TMEFF2: variants seen among roughly 807,000 people sequenced by gnomAD.
The protein encoded by TMEFF2 is transmembrane protein with EGF like and two follistatin like domains 2, also known as tomoregulin-2.
Under a neutral mutation model 53.8 loss-of-function variants are expected in TMEFF2, and 28 were observed. That is an observed-to-expected ratio of 0.52 (90% CI 0.39 to 0.71). The LOEUF (loss-of-function observed/expected upper bound fraction) is 0.71. Among genes scored for constraint, TMEFF2 ranks in the 30% least tolerant of loss-of-function variants. The pLI is 0.00. For synonymous variants in TMEFF2, 162 were observed against 166.3 expected (o/e 0.97, Z 0.20); for missense variants, 353 against 455.2 (o/e 0.78, Z 2.04).
At chr2:191,985,168 C>T (rs2105819362) in intron 7 of TMEFF2, among the ~76,000 whole-genome samples, 1 of 151,718 alleles carries the variant, frequency 6.6e-6, no homozygotes, top group Non-Finnish European at 1.5e-5. Context: ...TTATATCTCA[C>T]AAAGGGCTTT....
chr2:192,007,658 G>T (rs1686531022), intron 5 of TMEFF2, among the ~76,000 whole-genome samples: 1 of 152,164 alleles, frequency 6.6e-6, no homozygotes, highest in African/African-American at 2.4e-5. Flanking sequence ...TATCTTCTGG[G>T]GAATGAGGAG....
Position 192,011,333 on chromosome 2 carries a change from T to A in TMEFF2, c.537-12125A>T, listed in dbSNP as rs1686620589. ...ACTCAACCATTCTATGTGGAGTGGC[T>A]ACTCTGTGCAAAACACTGTGCTAGG... On this transcript the variant is annotated intron_variant, in intron 5 of 9. Transcript: ENST00000272771. 3.3e-5 allele frequency among the ~76,000 whole-genome samples: 5 copies of A among 152,336 alleles called. No homozygotes were observed. The South Asian group carries it at 1.0e-3, about 32-fold the overall frequency.
intron 4 of TMEFF2, 167 bp downstream of exon 4, chr2:192,179,501 C>T (rs755118777): frequency 5.2e-4 from 258 of 492,254 alleles, no homozygotes; most frequent in Non-Finnish European, 7.4e-4. Context: ...ATAATTTGCA[C>T]GGTATATACA....
In TMEFF2 at chr2:192,040,999, G is replaced by C. The variant is rs1025897895; in HGVS notation, c.536+16680C>G. ...AAAATGGATCACAGACCTAAATATAGAGCTAAAACTATAAATCCCTTAGAA... is the reference window on the plus strand; with the variant it reads ...AAAATGGATCACAGACCTAAATATACAGCTAAAACTATAAATCCCTTAGAA... On this transcript the variant is annotated intron_variant, in intron 5 of 9. Transcript: ENST00000272771. Among the ~76,000 whole-genome samples, 3 of 152,012 alleles carry C rather than the reference G, an allele frequency of 2.0e-5. No individual in the cohort carries two copies. The East Asian group carries it at 5.8e-4, about 29-fold the overall frequency.
intron 7 of TMEFF2, among the ~76,000 whole-genome samples, chr2:191,969,139 C>CTGTG: frequency 1.6e-5 from 1 of 64,318 alleles, no homozygotes; most frequent in East Asian, 1.1e-3. Flanking sequence ...GTGTGTGTAT[C>CTGTG]TATGTGTGTG....
chr2:192,184,514 T>C (rs761184355), intron 2 of TMEFF2, 31 bp from the exon 3 acceptor site: 4 of 1,611,918 alleles, frequency 2.5e-6, no homozygotes, highest in Non-Finnish European at 3.4e-6. Context: ...AGCCTATAGT[T>C]AGTACTGGAG....
At chr2:192,092,870 C>T (rs1269437300) in intron 4 of TMEFF2, among the ~76,000 whole-genome samples, 1 of 152,098 alleles carries the variant, frequency 6.6e-6, no homozygotes, top group African/African-American at 2.4e-5. Flanking sequence ...CCTATAGCAT[C>T]AATAAGGAAT....
chr2:192,088,502 G>T (rs539845123), intron 4 of TMEFF2, among the ~76,000 whole-genome samples: 1 of 152,082 alleles, frequency 6.6e-6, no homozygotes, highest in Non-Finnish European at 1.5e-5. Flanking sequence ...TTAGGTCAGG[G>T]GAGTTGACTT....
intron 4 of TMEFF2, among the ~76,000 whole-genome samples, chr2:192,145,221 A>T (rs1690221339): frequency 6.6e-6 from 1 of 151,962 alleles, no homozygotes; most frequent in Non-Finnish European, 1.5e-5. Context: ...AAAAGTAACT[A>T]ATTTTGCAAC....
chr2:192,042,016 C>T (rs1198858108), intron 5 of TMEFF2, among the ~76,000 whole-genome samples: 1 of 152,058 alleles, frequency 6.6e-6, no homozygotes, highest in Non-Finnish European at 1.5e-5. Context: ...GCCTGACCAA[C>T]ATGGTGAAAA....
chr2:192,156,618 A>G (rs1480634304), intron 4 of TMEFF2, among the ~76,000 whole-genome samples: 1 of 152,072 alleles, frequency 6.6e-6, no homozygotes, highest in East Asian at 1.9e-4. Context: ...TAAACAGGGT[A>G]TATCACCAGT....
At chr2:192,147,101 G>T (rs1010693180) in intron 4 of TMEFF2, among the ~76,000 whole-genome samples, 1 of 151,940 alleles carries the variant, frequency 6.6e-6, no homozygotes, top group South Asian at 2.1e-4. Flanking sequence ...TTTTTAAGTG[G>T]CTTTTAAGAC....
intron 8 of TMEFF2, among the ~76,000 whole-genome samples, 173 bp downstream of exon 8, chr2:191,956,082 T>G (rs200571733): frequency 2.8e-5 from 1 of 35,694 alleles, no homozygotes; most frequent in South Asian, 1.5e-3. Context: ...TGTTTTTTTT[T>G]AGTGTGTGAG....
chr2:192,121,590 C>T (rs1689554875), intron 4 of TMEFF2, among the ~76,000 whole-genome samples: 1 of 152,146 alleles, frequency 6.6e-6, no homozygotes, highest in Admixed American at 6.5e-5. Flanking sequence ...TTCAGTTGGT[C>T]ATGGCTGGGC....
chr2:192,064,710 A>C lies in TMEFF2; in HGVS notation c.440-6935T>G, dbSNP rs192918768. On this transcript the variant is annotated intron_variant, in intron 4 of 9. Coordinates refer to ENST00000272771, the MANE Select transcript of TMEFF2 (RefSeq NM_016192.4). ...GTTTTCTGACATGCTTTTGCCATTG[A>C]AATGTGAGTGGAATTGAGAGAGTTC... Among the ~76,000 whole-genome samples, 14 of 151,920 alleles carry C rather than the reference A, an allele frequency of 9.2e-5. No individual in the cohort carries two copies. The East Asian group carries it at 1.9e-3, about 21-fold the overall frequency.
chr2:192,184,189 A>C (rs1691255556), intron 3 of TMEFF2, among the ~76,000 whole-genome samples, 165 bp downstream of exon 3: 1 of 152,152 alleles, frequency 6.6e-6, no homozygotes, highest in African/African-American at 2.4e-5. Flanking sequence ...TTTGAAATGT[A>C]AAAATGACAA....
At chr2:192,086,587 T>C (rs1022411327) in intron 4 of TMEFF2, among the ~76,000 whole-genome samples, 1 of 152,170 alleles carries the variant, frequency 6.6e-6, no homozygotes, top group South Asian at 2.1e-4. Context: ...GTGGTGTTCA[T>C]GGGTCATAAG....
At chr2:191,954,225 T>G (rs1322028914) in intron 8 of TMEFF2, among the ~76,000 whole-genome samples, 2 of 152,206 alleles carry the variant, frequency 1.3e-5, no homozygotes, top group Non-Finnish European at 2.9e-5. Context: ...GCATTTATTT[T>G]CATCACAAAA....
chr2:192,127,761 T>C (rs1689712271), intron 4 of TMEFF2, among the ~76,000 whole-genome samples: 2 of 152,212 alleles, frequency 1.3e-5, no homozygotes, highest in South Asian at 4.1e-4. Context: ...GTCGTGACAA[T>C]TTTAAGTAAT....
Sources: gnomAD v4.1 joint callset for allele counts (sites outside exome capture counted in the v4.1 genomes callset) on GRCh38, gnomAD v4.1.1 for gene constraint, MANE v1.5 for transcripts, NCBI Gene and HGNC (gene_info 2026-07-23, HGNC 2026-07-21) for gene names.